The following IL22RA2 variants were observed in gnomAD, a reference collection of about 807,000 sequenced individuals.
The protein encoded by IL22RA2 is interleukin-22 receptor subunit alpha-2.
In IL22RA2, 39 loss-of-function variants were observed where a neutral mutation model predicts 30.7. The observed-to-expected ratio is 1.27, with a 90% confidence interval of 0.98 to 1.66. IL22RA2 has a LOEUF of 1.66. IL22RA2 is among the 40% of genes most tolerant of loss of function. The pLI, the probability that IL22RA2 is intolerant of heterozygous loss-of-function variation, is 0.00. For missense variants in IL22RA2, 315 were observed against 312.7 expected, an observed-to-expected ratio of 1.01 and a Z score of -0.05; for synonymous variants, 103 against 105.0, an observed-to-expected ratio of 0.98 and a Z score of 0.11.
At chr6:137,149,887 G>C (rs1371127930) in intron 5 of IL22RA2, among the ~76,000 whole-genome samples, 1 of 152,106 alleles carries the variant, frequency 6.6e-6, no homozygotes, top group East Asian at 1.9e-4. Flanking sequence ...CTGGTCCCTT[G>C]CTTGAAATGC....
rs532446401 is a variant in IL22RA2 at position 137,144,997 on chromosome 6, A to G, written c.*627T>C. 3.3e-5 allele frequency: 5 copies of G among 152,080 alleles called. No homozygotes were observed. In the South Asian group the frequency reaches 1.0e-3, roughly 31 times the overall value. The allele number at this position is 152,080 out of a possible 1,614,324, so 9.4% of individuals were successfully genotyped here. On this transcript the variant is annotated 3_prime_UTR_variant, in exon 7 of 7. Coordinates refer to ENST00000296980, the MANE Select transcript of IL22RA2 (RefSeq NM_052962.3). ...TTTTAATTCAGATATCAATCCAGAA[A>G]TCATAAGATTTTTTTCCCCAAAACC...
At chr6:137,146,564 C>T (rs541276956) in intron 6 of IL22RA2, among the ~76,000 whole-genome samples, 4 of 152,280 alleles carry the variant, frequency 2.6e-5, no homozygotes, top group African/African-American at 9.6e-5. Flanking sequence ...CCCTCCCCTC[C>T]TCTTTTGTTT....
At chr6:137,164,588 G>A (rs1778589793) in intron 1 of IL22RA2, among the ~76,000 whole-genome samples, 1 of 152,254 alleles carries the variant, frequency 6.6e-6, no homozygotes, top group African/African-American at 2.4e-5. Context: ...AGCTTAGACA[G>A]AAGGCTGCCC....
intron 1 of IL22RA2, among the ~76,000 whole-genome samples, chr6:137,172,003 G>A (rs577616049): frequency 6.6e-6 from 1 of 152,268 alleles, no homozygotes; most frequent in South Asian, 2.1e-4. Flanking sequence ...ACCTCTTCAT[G>A]CTCCTTAGCT....
chr6:137,158,222 G>A (rs1283933328), intron 3 of IL22RA2, 125 bp downstream of exon 3: 40 of 1,127,514 alleles, frequency 3.5e-5, no homozygotes, highest in Non-Finnish European at 4.9e-5. Flanking sequence ...CTGTTATCCT[G>A]ACCTTGGCTT....
At chr6:137,158,021 C>G (rs1778445007) in intron 3 of IL22RA2, among the ~76,000 whole-genome samples, 1 of 152,202 alleles carries the variant, frequency 6.6e-6, no homozygotes, top group Non-Finnish European at 1.5e-5. Context: ...TCGCTATGTG[C>G]TAATAAGTTG....
Position 137,158,494 on chromosome 6 carries a change from A to C in IL22RA2, c.62-12T>G, listed in dbSNP as rs375007805. ...CGTTGACTGAGTTCCTAAGATAATA[A>C]GAGAAGGAAGAACATTGAACGTTGC... On this transcript the variant is annotated splice_polypyrimidine_tract_variant and intron_variant, in intron 2 of 6. Coordinates refer to ENST00000296980, the MANE Select transcript of IL22RA2 (RefSeq NM_052962.3). 3 of 1,613,772 alleles carry C rather than the reference A, an allele frequency of 1.9e-6. No individual in the cohort carries two copies. In the South Asian group the frequency reaches 3.3e-5, roughly 18 times the overall value.
intron 2 of IL22RA2, 55 bp downstream of exon 2, chr6:137,161,634 T>C: frequency 6.9e-7 from 1 of 1,448,904 alleles, no homozygotes; most frequent in South Asian, 1.2e-5. Context: ...AACAGATCCT[T>C]GATTGGACTC....
At chr6:137,169,083 C>A (rs1050131377) in intron 1 of IL22RA2, among the ~76,000 whole-genome samples, 4 of 152,198 alleles carry the variant, frequency 2.6e-5, no homozygotes, top group African/African-American at 9.7e-5. Context: ...TTTTACCTTG[C>A]CTGAATTTGT....
At position 137,155,038 on chromosome 6, in the gene IL22RA2, T is replaced by G; in HGVS notation, c.375A>C (p.Ser125=). Residue 125 remains serine, a synonymous_variant, in exon 5 of 7, where the codon TCA becomes TCC. Transcript: ENST00000296980. ...TCCCGTAATAAGGTTCCTGTATGTC[T>G]GAGGTTTCACTGGTAAGGTCACAAG... ...ELSCDLTSET[S]DIQEPYYGRV... 1 of 1,613,774 alleles carries G rather than the reference T, an allele frequency of 6.2e-7. No individual in the cohort carries two copies. The highest frequency in any genetic ancestry group is 8.5e-7 in the Non-Finnish European group (1 of 1,179,704).
At chr6:137,147,951 A>G (rs1778214237) in intron 5 of IL22RA2, 60 bp from the exon 6 acceptor site, 4 of 1,421,332 alleles carry the variant, frequency 2.8e-6, no homozygotes, top group Non-Finnish European at 3.9e-6. Flanking sequence ...ATACAGACGC[A>G]TTATGTATAA....
At chr6:137,169,750 C>T (rs985272917) in intron 1 of IL22RA2, among the ~76,000 whole-genome samples, 3 of 152,160 alleles carry the variant, frequency 2.0e-5, no homozygotes, top group Admixed American at 6.5e-5. Context: ...GACTTGCTAG[C>T]CATACAGGCA....
Position 137,155,130 on chromosome 6 carries a change from G to T in IL22RA2, c.294-11C>A. ...TGTCTCTGTCCATATCTGTAGCAGG[G>T]AAAAGGCAAAGATCTGAGTTTCTTT... On this transcript the variant is annotated splice_polypyrimidine_tract_variant and intron_variant, in intron 4 of 6. Coordinates refer to ENST00000296980, the MANE Select transcript of IL22RA2 (RefSeq NM_052962.3). 1 of 1,515,406 alleles carries T rather than the reference G, an allele frequency of 6.6e-7. No individual in the cohort carries two copies. The highest frequency in any genetic ancestry group is 1.3e-5 in the South Asian group (1 of 77,120). 93.9% of individuals were successfully genotyped at this position (1,515,406 alleles called of 1,614,324 possible).
At position 137,147,551 on chromosome 6, in the gene IL22RA2, G is replaced by A. The variant is rs1165455947; in HGVS notation, c.642+171C>T. ...GAAAGGGCACACACACATTCTGATG[G>A]TGATGCCACCACCAACCGTTGATCA... is the stretch of plus-strand genomic sequence containing the variant. On this transcript the variant is annotated intron_variant, in intron 6 of 6. Coordinates refer to ENST00000296980, the MANE Select transcript of IL22RA2 (RefSeq NM_052962.3). 3.9e-5 allele frequency among the ~76,000 whole-genome samples: 6 copies of A among 152,208 alleles called. No homozygotes were observed. The South Asian group carries it at 6.2e-4, about 16-fold the overall frequency.
At chr6:137,160,953 C>A (rs1352618184) in intron 2 of IL22RA2, among the ~76,000 whole-genome samples, 1 of 152,230 alleles carries the variant, frequency 6.6e-6, no homozygotes, top group African/African-American at 2.4e-5. Context: ...TGGACAACTG[C>A]ACCATCTTGG....
At chr6:137,169,352 G>A (rs1489621397) in intron 1 of IL22RA2, among the ~76,000 whole-genome samples, 1 of 152,134 alleles carries the variant, frequency 6.6e-6, no homozygotes, top group Non-Finnish European at 1.5e-5. Flanking sequence ...CCAACTGTTT[G>A]GAGAGCACCT....
At chr6:137,160,489 C>T (rs748681384) in intron 2 of IL22RA2, among the ~76,000 whole-genome samples, 4 of 152,194 alleles carry the variant, frequency 2.6e-5, no homozygotes, top group Non-Finnish European at 5.9e-5. Flanking sequence ...CCATTACCCT[C>T]CAACAGAAAA....
At chr6:137,162,650 A>T (rs28385764) in intron 1 of IL22RA2, among the ~76,000 whole-genome samples, 1 of 152,174 alleles carries the variant, frequency 6.6e-6, no homozygotes, top group African/African-American at 2.4e-5. Context: ...ACACGTGTTT[A>T]GAGATACTAA....
intron 1 of IL22RA2, 28 bp from the exon 2 acceptor site, chr6:137,161,842 T>G: frequency 1.1e-6 from 1 of 946,710 alleles, no homozygotes; most frequent in Non-Finnish European, 1.7e-6. Flanking sequence ...AGACAATCAC[T>G]CCCGGGTTTA....
Sources: allele counts gnomAD v4.1 joint callset (sites outside exome capture counted in the v4.1 genomes callset), GRCh38; gene constraint gnomAD v4.1.1; transcripts MANE v1.5; gene names NCBI Gene and HGNC (gene_info 2026-07-23, HGNC 2026-07-21).